The following MYO16 variants were observed in gnomAD, a reference collection of about 807,000 sequenced individuals.
MYO16 encodes myosin XVI.
MYO16 carries 94 observed loss-of-function variants against 205.3 expected under a neutral mutation model. The observed-to-expected ratio is 0.46, with a 90% CI of 0.39 to 0.54. MYO16 has a LOEUF of 0.54. Among genes scored for constraint, MYO16 ranks in the 20% least tolerant of loss-of-function variants. The pLI is 0.00. For synonymous variants in MYO16, 988 were observed against 954.0 expected, an observed-to-expected ratio of 1.04 and a Z score of -0.66; for missense variants, 2,315 against 2,387.5, an observed-to-expected ratio of 0.97 and a Z score of 0.63.
chr13:109,120,296 T>C, intron 28 of MYO16, 74 bp from the exon 29 acceptor site: 1 of 1,038,958 alleles, frequency 9.6e-7, no homozygotes. Context: ...GAAAAATATT[T>C]TGTCTGATTA....
At chr13:108,691,961 AG>A (rs1882913610) in intron 2 of MYO16, among the ~76,000 whole-genome samples, 1 of 152,222 alleles carries the variant, frequency 6.6e-6, no homozygotes, top group African/African-American at 2.4e-5. Flanking sequence ...GTGACAACAC[AG>A]GAAGCGCCCC....
Position 108,990,046 on chromosome 13 carries a change from A to G in MYO16, c.2370-2330A>G, listed in dbSNP as rs140490671. ...AACTTGTCTAAAGTTAACCAACCCA[A>G]AAGTATTTAAACCTACCCCAAGACT... On this transcript the variant is annotated intron_variant, in intron 20 of 34. Coordinates refer to ENST00000457511, the MANE Select transcript of MYO16 (RefSeq NM_001198950.3). Among the ~76,000 whole-genome samples the G allele has an allele frequency of 3.1e-3, 472 of 152,070 alleles. 5 individuals carry two copies. The highest frequency in any genetic ancestry group is 0.011 in the African/African-American group (451 of 41,462).
the MYO16 span, among the ~76,000 whole-genome samples, chr13:108,552,135 A>G: frequency 1.3e-5 from 2 of 152,132 alleles, no homozygotes; most frequent in African/African-American, 4.8e-5. Context: ...TTTTGGGCCA[A>G]AGATACATGC....
intron 21 of MYO16, among the ~76,000 whole-genome samples, chr13:109,006,975 C>A (rs2139475133): frequency 6.6e-6 from 1 of 152,096 alleles, no homozygotes; most frequent in South Asian, 2.1e-4. Flanking sequence ...AGTGTGGTGT[C>A]CCGGAGGAGA....
At chr13:108,533,554 A>C in the MYO16 span, among the ~76,000 whole-genome samples, 13 of 152,208 alleles carry the variant, frequency 8.5e-5, no homozygotes, top group Admixed American at 2.6e-4. Context: ...CTGGATTGGC[A>C]GTGCTCTTTG....
rs546487410 is a variant in MYO16, at chr13:109,142,024, CAAGT to C, written c.5164+649_5164+652del. Among the ~76,000 whole-genome samples the C allele has an allele frequency of 1.1e-4, 16 of 152,314 alleles. No individual in the cohort carries two copies. The South Asian group carries it at 2.5e-3, about 24-fold the overall frequency. ...GTTTGCAGGTGGAAATCAGTCCACT[CAAGT>C]GAGCTCCATGACAGGCTGTTGCCTG... is the stretch of plus-strand genomic sequence containing the variant. On this transcript the variant is annotated intron_variant, in intron 32 of 34. Coordinates refer to ENST00000457511, the MANE Select transcript of MYO16 (RefSeq NM_001198950.3).
At chr13:108,777,809 T>C (rs1185735147) in intron 4 of MYO16, among the ~76,000 whole-genome samples, 1 of 152,150 alleles carries the variant, frequency 6.6e-6, no homozygotes, top group Admixed American at 6.5e-5. Flanking sequence ...GTTCCCCAGG[T>C]ATGTAGGTAT....
At chr13:108,852,083 C>T (rs142013278) in intron 10 of MYO16, among the ~76,000 whole-genome samples, 300 of 152,274 alleles carry the variant, frequency 2.0e-3, no homozygotes, top group Non-Finnish European at 3.3e-3. Context: ...AAATTATGTC[C>T]AATTTCAGTG....
At chr13:108,587,648 CA>C in the MYO16 span, among the ~76,000 whole-genome samples, 2 of 152,116 alleles carry the variant, frequency 1.3e-5, no homozygotes. Flanking sequence ...TCATTTTTGG[CA>C]CCACTGAGAA....
the MYO16 span, among the ~76,000 whole-genome samples, chr13:108,555,225 G>A: frequency 2.0e-5 from 3 of 152,094 alleles, no homozygotes; most frequent in Non-Finnish European, 4.4e-5. Context: ...AGCTGAACTC[G>A]GATGATATCT....
chr13:108,972,245 C>CTATA (rs1374363684), intron 20 of MYO16, among the ~76,000 whole-genome samples: 7 of 8,600 alleles, frequency 8.1e-4, no homozygotes, highest in African/African-American at 1.9e-3. Context: ...CTCTCTCTCT[C>CTATA]TCTCTATATA....
At chr13:108,795,883 T>G (rs910814767) in intron 6 of MYO16, among the ~76,000 whole-genome samples, 1 of 151,996 alleles carries the variant, frequency 6.6e-6, no homozygotes, top group Non-Finnish European at 1.5e-5. Flanking sequence ...TTTGGATAGA[T>G]AGAGAGGAAA....
At position 109,206,932 on chromosome 13, in the gene MYO16, TC is replaced by T; in HGVS notation, c.*98del. On this transcript the variant is annotated 3_prime_UTR_variant, in exon 35 of 35. Coordinates refer to ENST00000457511, the MANE Select transcript of MYO16 (RefSeq NM_001198950.3). Reference sequence around the variant, plus strand: ...CTTCTGACATGCGCTGGGGCTTCTCTCCACGCATTTAGACAAAAAAAGCACA... The same window carrying T: ...CTTCTGACATGCGCTGGGGCTTCTCTCACGCATTTAGACAAAAAAAGCACA... 9.4e-7 allele frequency: 1 copy of T among 1,066,682 alleles called. No homozygotes were observed. Among genetic ancestry groups the T allele is most frequent in the Non-Finnish European group, 1.4e-6 (1 of 732,630 alleles). The allele number at this position is 1,066,682 out of a possible 1,614,324, so 66.1% of individuals were successfully genotyped here. A position where few individuals can be genotyped will look rare whatever the true frequency, so the allele number is the denominator to read the frequency against.
At chr13:108,601,123 G>A (rs1878748283) in intron 1 of MYO16, among the ~76,000 whole-genome samples, 1 of 152,094 alleles carries the variant, frequency 6.6e-6, no homozygotes, top group African/African-American at 2.4e-5. Flanking sequence ...AGAGATCACT[G>A]TGGATGTGTG....
chr13:108,625,695 G>A (rs989045883), upstream of MYO16, among the ~76,000 whole-genome samples: 2 of 152,222 alleles, frequency 1.3e-5, no homozygotes, highest in Admixed American at 6.5e-5. Flanking sequence ...TCACAGGGCA[G>A]AGGCAATGAT....
chr13:108,656,855 T>C (rs1206416100), intron 1 of MYO16, among the ~76,000 whole-genome samples: 8 of 152,218 alleles, frequency 5.3e-5, no homozygotes, highest in African/African-American at 1.7e-4. Context: ...TAATAACCAA[T>C]AAATCCAGTA....
intron 4 of MYO16, among the ~76,000 whole-genome samples, chr13:108,744,713 A>T (rs1414602763): frequency 1.3e-5 from 2 of 152,204 alleles, no homozygotes; most frequent in African/African-American, 4.8e-5. Context: ...ATCTTAAGGC[A>T]AGTTGACCAT....
chr13:108,990,294 G>A (rs1225874767), intron 20 of MYO16, among the ~76,000 whole-genome samples: 1 of 152,144 alleles, frequency 6.6e-6, no homozygotes, highest in Admixed American at 6.6e-5. Flanking sequence ...GGATGGAGAG[G>A]AGGATGCATG....
intron 14 of MYO16, among the ~76,000 whole-genome samples, chr13:108,892,146 T>G (rs1002824819): frequency 6.6e-6 from 1 of 152,222 alleles, no homozygotes; most frequent in African/African-American, 2.4e-5. Flanking sequence ...ATTAGTTTTT[T>G]GAATATCTGT....
Sources: allele counts gnomAD v4.1 joint callset (sites outside exome capture counted in the v4.1 genomes callset), GRCh38; gene constraint gnomAD v4.1.1; transcripts MANE v1.5; gene names NCBI Gene and HGNC (gene_info 2026-07-23, HGNC 2026-07-21).